Variants in MAEL observed in about 807,000 individuals in gnomAD.
The protein encoded by MAEL is protein maelstrom homolog.
Under a neutral mutation model 62.0 loss-of-function variants are expected in MAEL, and 46 were observed. The ratio of observed to expected loss-of-function variants is 0.74; its 90% CI spans 0.59 to 0.95. The LOEUF is 0.95. Ranked by LOEUF, MAEL falls within the 40% of genes least tolerant of loss-of-function variation. MAEL has a pLI of 0.00. For synonymous variants in MAEL, 172 were observed against 175.5 expected, an observed-to-expected ratio of 0.98 and a Z score of 0.16; for missense variants, 497 against 526.8, an observed-to-expected ratio of 0.94 and a Z score of 0.55.
chr1:167,003,602 A>G (rs993470441), intron 5 of MAEL, among the ~76,000 whole-genome samples: 2 of 152,242 alleles, frequency 1.3e-5, no homozygotes, highest in African/African-American at 4.8e-5. Context: ...CAAATGATCC[A>G]GAGGAAAAAC....
At chr1:167,009,458 G>T (rs1665072099) in intron 8 of MAEL, among the ~76,000 whole-genome samples, 1 of 152,026 alleles carries the variant, frequency 6.6e-6, no homozygotes. Flanking sequence ...TTTGCCTGGA[G>T]ACTTTAGTCT....
chr1:167,022,002 AAAT>A lies in MAEL; in HGVS notation c.*148_*150del. The stretch of plus-strand genomic sequence containing the variant: ...AGGAAATTGTTTCATAGATTTAAAA[AAAT>A]TGTGGTTGGAGAGCATCTTGGCATT... On this transcript the variant is annotated 3_prime_UTR_variant, in exon 12 of 12. Coordinates refer to ENST00000367872, the MANE Select transcript of MAEL (RefSeq NM_032858.3). 1.7e-6 allele frequency: 1 copy of A among 600,088 alleles called. No homozygotes were observed. Among genetic ancestry groups the A allele is most frequent in the Non-Finnish European group, 2.7e-6 (1 of 367,910 alleles). The allele number at this position is 600,088 out of a possible 1,614,324, so 37.2% of individuals were successfully genotyped here. A position where few individuals can be genotyped will look rare whatever the true frequency, so the allele number is the denominator to read the frequency against.
At chr1:166,980,554 G>C in intron 1 of MAEL, among the ~76,000 whole-genome samples, 1 of 152,126 alleles carries the variant, frequency 6.6e-6, no homozygotes, top group East Asian at 1.9e-4. Flanking sequence ...TGTCTCATTC[G>C]TGAGCAGTTA....
At chr1:166,998,454 C>T (rs1664519370) in intron 5 of MAEL, among the ~76,000 whole-genome samples, 1 of 152,118 alleles carries the variant, frequency 6.6e-6, no homozygotes, top group African/African-American at 2.4e-5. Flanking sequence ...CATTGGTAAA[C>T]TCTTGAGTTT....
intron 5 of MAEL, among the ~76,000 whole-genome samples, chr1:166,995,110 C>G (rs1035897830): frequency 6.7e-6 from 1 of 150,160 alleles, no homozygotes; most frequent in East Asian, 2.0e-4. Flanking sequence ...TATAAATGAA[C>G]ATATTTTGGA....
chr1:167,010,173 C>A (rs1665108609), intron 8 of MAEL, among the ~76,000 whole-genome samples: 1 of 152,112 alleles, frequency 6.6e-6, no homozygotes, highest in African/African-American at 2.4e-5. Flanking sequence ...GCACTCATTC[C>A]ATTCTGCTGC....
chr1:166,980,417 T>C (rs1219760015), intron 1 of MAEL, among the ~76,000 whole-genome samples: 2 of 152,156 alleles, frequency 1.3e-5, no homozygotes, highest in African/African-American at 2.4e-5. Flanking sequence ...CATTGTGAAT[T>C]TGTCCTCCAG....
rs1557973584 is a variant in MAEL at position 166,992,718 on chromosome 1, A to G, written c.358A>G (p.Ile120Val). The change falls in exon 4 of 12, where the codon ATT becomes GTT. Residue 120 changes from isoleucine (I) to valine (V), a missense_variant. Physicochemically the swap from Ile to Val is conservative, Grantham distance 29 (BLOSUM62 3). Transcript: ENST00000367872. ...TGGAGGCATTTTTTATTTTTTGAAC[A>G]TTTTTAGCCATGGCGAGCTACCTCC... is the stretch of plus-strand genomic sequence containing the variant. Reference protein sequence around the residue: ...LLGGIFYFLNIFSHGELPPHC... With the variant: ...LLGGIFYFLNVFSHGELPPHC... The G allele has an allele frequency of 1.3e-6, 2 of 1,595,634 alleles. No homozygotes were observed. The highest frequency in any genetic ancestry group is 1.4e-5 in the African/African-American group (1 of 73,532).
intron 5 of MAEL, among the ~76,000 whole-genome samples, chr1:167,003,179 C>CCTG (rs1250968870): frequency 3.3e-5 from 5 of 152,130 alleles, no homozygotes; most frequent in African/African-American, 1.2e-4. Flanking sequence ...GCCTCAAACT[C>CCTG]CTGGCTCAAT....
At chr1:167,016,174 A>T in intron 8 of MAEL, 48 bp from the exon 9 acceptor site, 3 of 1,502,350 alleles carry the variant, frequency 2.0e-6, no homozygotes, top group Non-Finnish European at 2.8e-6. Flanking sequence ...AAAAACCTTT[A>T]AGCAGTGCTA....
intron 1 of MAEL, among the ~76,000 whole-genome samples, chr1:166,978,682 C>CGTA (rs1229059585): frequency 6.6e-6 from 1 of 152,174 alleles, no homozygotes; most frequent in African/African-American, 2.4e-5. Flanking sequence ...GAAGCAATAC[C>CGTA]TATCTTTTTG....
intron 1 of MAEL, among the ~76,000 whole-genome samples, chr1:166,983,975 C>G (rs1202876192): frequency 6.9e-6 from 1 of 143,956 alleles, no homozygotes; most frequent in Non-Finnish European, 1.5e-5. Context: ...GCACTCGAAC[C>G]TGGTTGACAG....
intron 8 of MAEL, among the ~76,000 whole-genome samples, chr1:167,007,224 A>C (rs1169951441): frequency 6.6e-6 from 1 of 151,484 alleles, no homozygotes; most frequent in Non-Finnish European, 1.5e-5. Context: ...GTACATTTTA[A>C]TCTATTATTG....
chr1:167,003,233 C>G (rs1373862087), intron 5 of MAEL, among the ~76,000 whole-genome samples: 5 of 152,148 alleles, frequency 3.3e-5, no homozygotes, highest in Admixed American at 6.5e-5. Flanking sequence ...TGCAGGTACA[C>G]ACCACCACAC....
At position 167,019,059 on chromosome 1, in the gene MAEL, T is replaced by C. The variant is rs140602105; in HGVS notation, c.1041+1100T>C. Among the ~76,000 whole-genome samples, 131 of 152,284 alleles carry C rather than the reference T, an allele frequency of 8.6e-4. 1 individual carries two copies. Among genetic ancestry groups the C allele is most frequent in the African/African-American group, 3.0e-3 (126 of 41,566 alleles). On this transcript the variant is annotated intron_variant, in intron 10 of 11. Transcript: ENST00000367872. The stretch of plus-strand genomic sequence containing the variant: ...CCATATGTACTCTGGGCAAGACCCT[T>C]CTCTACCCTCCCTTTAAACCTTTTG...
At chr1:166,995,604 T>A (rs189862983) in intron 5 of MAEL, among the ~76,000 whole-genome samples, 139 of 152,152 alleles carry the variant, frequency 9.1e-4, no homozygotes, top group African/African-American at 3.0e-3. Context: ...ATTCTGTACT[T>A]GCTTTAAAGT....
rs756560262 is a variant in MAEL, at chr1:166,994,080, A to G, written c.523+11A>G. 1 of 1,611,608 alleles carries G rather than the reference A, an allele frequency of 6.2e-7. No homozygotes were observed. The highest frequency in any genetic ancestry group is 1.7e-5 in the Admixed American group (1 of 59,920). On this transcript the variant is annotated intron_variant, in intron 5 of 11. Coordinates refer to ENST00000367872, the MANE Select transcript of MAEL (RefSeq NM_032858.3). The stretch of plus-strand genomic sequence containing the variant: ...ATTGTCAGGCTGCAAGTAAGTATAA[A>G]GGAATGGGGTAGGATTTGTGACTTG...
upstream of MAEL, among the ~76,000 whole-genome samples, chr1:166,984,467 C>T (rs1003945230): frequency 6.6e-6 from 1 of 151,946 alleles, no homozygotes; most frequent in African/African-American, 2.4e-5. Context: ...TTAAGTCATT[C>T]GATTTAGCCA....
intron 4 of MAEL, among the ~76,000 whole-genome samples, chr1:166,993,104 A>G (rs547031359): frequency 1.3e-5 from 2 of 152,250 alleles, no homozygotes; most frequent in Admixed American, 1.3e-4. Context: ...CTATTCACCT[A>G]CCTATGGCCT....
Sources: gnomAD v4.1 joint callset for allele counts (sites outside exome capture counted in the v4.1 genomes callset) on GRCh38, gnomAD v4.1.1 for gene constraint, MANE v1.5 for transcripts, NCBI Gene and HGNC (gene_info 2026-07-23, HGNC 2026-07-21) for gene names.